The following STXBP5L variants were observed in gnomAD, a reference collection of about 807,000 sequenced individuals.
STXBP5L encodes the protein syntaxin-binding protein 5-like.
STXBP5L carries 65 observed loss-of-function variants against 144.5 expected under a neutral mutation model. The observed-to-expected ratio is 0.45, with a 90% confidence interval of 0.37 to 0.55. The LOEUF (loss-of-function observed/expected upper bound fraction) is 0.55, where lower values mean the gene tolerates loss of function less well. STXBP5L is among the 20% of genes least tolerant of loss of function. The pLI is 0.00. For missense variants in STXBP5L, 1,298 were observed against 1,405.5 expected (o/e 0.92, Z 1.22); for synonymous variants, 505 against 469.6 (o/e 1.08, Z -0.97).
At chr3:121,196,436 G>T (rs566332866) in intron 9 of STXBP5L, among the ~76,000 whole-genome samples, 82 of 152,076 alleles carry the variant, frequency 5.4e-4, no homozygotes, top group Admixed American at 2.6e-3. Context: ...ACCGCACCCG[G>T]CAATATTAAT....
At chr3:120,949,101 C>T (rs769658937) in intron 2 of STXBP5L, among the ~76,000 whole-genome samples, 11 of 151,880 alleles carry the variant, frequency 7.2e-5, no homozygotes, top group Admixed American at 3.3e-4. Context: ...TATGGTCAGT[C>T]TTGCAGGAGT....
chr3:121,332,236 A>G lies in STXBP5L; in HGVS notation c.2176+13696A>G, dbSNP rs367994906. On this transcript the variant is annotated intron_variant, in intron 20 of 26. Coordinates refer to ENST00000471454, the MANE Select transcript of STXBP5L (RefSeq NM_001308330.2). ...AAAAGATCATACTAGGTCTTCCACA[A>G]TGGATCCAAACCAAGATGAAATCTT... 1.4e-4 allele frequency among the ~76,000 whole-genome samples: 21 copies of G among 152,124 alleles called. No individual in the cohort carries two copies. In the East Asian group the frequency reaches 1.5e-3, roughly 11 times the overall value.
At chr3:120,959,581 C>A (rs1213282245) in intron 3 of STXBP5L, among the ~76,000 whole-genome samples, 5 of 152,190 alleles carry the variant, frequency 3.3e-5, no homozygotes, top group African/African-American at 1.2e-4. Flanking sequence ...AGAACAGAGG[C>A]CTCAGAAATA....
At position 120,973,931 on chromosome 3, in the gene STXBP5L, C is replaced by T. The variant is rs1174680071; in HGVS notation, c.287+18894C>T. 8.5e-5 allele frequency among the ~76,000 whole-genome samples: 13 copies of T among 152,122 alleles called. 1 individual carries two copies. The highest frequency in any genetic ancestry group is 8.5e-4 in the Admixed American group (13 of 15,270). On this transcript the variant is annotated intron_variant, in intron 3 of 26. Transcript: ENST00000471454. ...GTATATATGCCACATTTTCTTAATC[C>T]AGTCAATCATTGTTGGACATTTGGG...
intron 22 of STXBP5L, among the ~76,000 whole-genome samples, chr3:121,384,126 G>A (rs1240837646): frequency 6.6e-6 from 1 of 152,066 alleles, no homozygotes; most frequent in Non-Finnish European, 1.5e-5. Flanking sequence ...CATTTACCAA[G>A]CCCATACCAC....
intron 20 of STXBP5L, among the ~76,000 whole-genome samples, chr3:121,351,485 C>A (rs776849546): frequency 2.0e-5 from 3 of 152,146 alleles, no homozygotes; most frequent in Admixed American, 6.5e-5. Flanking sequence ...CTCCAGAAGT[C>A]TTCTTTTGAG....
chr3:121,317,778 A>G (rs2043833107), intron 19 of STXBP5L, among the ~76,000 whole-genome samples: 1 of 152,162 alleles, frequency 6.6e-6, no homozygotes, highest in African/African-American at 2.4e-5. Context: ...GTGGCAGAAT[A>G]AAAATTAAGA....
At chr3:121,395,166 G>A (rs1188984220) in intron 22 of STXBP5L, among the ~76,000 whole-genome samples, 1 of 152,134 alleles carries the variant, frequency 6.6e-6, no homozygotes, top group Non-Finnish European at 1.5e-5. Context: ...GGCAAACATT[G>A]AAAGACTGTC....
chr3:121,343,539 C>T (rs1393413239), intron 20 of STXBP5L, among the ~76,000 whole-genome samples: 1 of 152,128 alleles, frequency 6.6e-6, no homozygotes, highest in East Asian at 1.9e-4. Context: ...TGATAAGCAA[C>T]TTCAGCAAAG....
chr3:121,048,028 G>A (rs1266264152), intron 5 of STXBP5L, among the ~76,000 whole-genome samples: 23 of 152,064 alleles, frequency 1.5e-4, no homozygotes, highest in Admixed American at 1.5e-3. Context: ...AGGACCTCTT[G>A]TAAGGCAGGT....
At chr3:120,963,411 T>C (rs543592889) in intron 3 of STXBP5L, among the ~76,000 whole-genome samples, 1 of 152,246 alleles carries the variant, frequency 6.6e-6, no homozygotes, top group Non-Finnish European at 1.5e-5. Context: ...TGGCAGTATG[T>C]CATAAATAGC....
At chr3:121,168,837 C>T (rs146909084) in intron 9 of STXBP5L, among the ~76,000 whole-genome samples, 2,950 of 152,060 alleles carry the variant, frequency 0.019, 91 homozygotes, top group African/African-American at 0.066. Flanking sequence ...GGAAATACAG[C>T]GAACACCACA....
intron 20 of STXBP5L, among the ~76,000 whole-genome samples, chr3:121,354,593 A>G (rs1456457051): frequency 1.6e-5 from 2 of 128,428 alleles, no homozygotes; most frequent in Non-Finnish European, 3.1e-5. Flanking sequence ...GTGTCTTTGC[A>G]TGTGAGATGG....
At chr3:121,044,757 C>G (rs1303994867) in intron 4 of STXBP5L, among the ~76,000 whole-genome samples, 1 of 152,086 alleles carries the variant, frequency 6.6e-6, no homozygotes, top group Non-Finnish European at 1.5e-5. Context: ...TGCTTTCTGC[C>G]ACATTAAGAG....
At chr3:121,338,500 TG>T (rs1461395201) in intron 20 of STXBP5L, among the ~76,000 whole-genome samples, 2 of 144,486 alleles carry the variant, frequency 1.4e-5, no homozygotes, top group Non-Finnish European at 3.0e-5. Context: ...AAAAATTAGC[TG>T]GGGGTGGTGG....
intron 9 of STXBP5L, among the ~76,000 whole-genome samples, chr3:121,176,412 AAGAAAAC>A (rs1207557604): frequency 6.6e-6 from 1 of 151,712 alleles, no homozygotes; most frequent in African/African-American, 2.4e-5. Flanking sequence ...TAAAGACAAA[AAGAAAAC>A]AGATAATCAA....
intron 10 of STXBP5L, among the ~76,000 whole-genome samples, chr3:121,207,823 T>G (rs1171332747): frequency 8.1e-6 from 1 of 124,170 alleles, no homozygotes; most frequent in Non-Finnish European, 1.6e-5. Context: ...CATTAAAAAG[T>G]CAGGAAAAAG....
At chr3:121,094,277 G>A (rs1341353285) in intron 5 of STXBP5L, among the ~76,000 whole-genome samples, 2 of 152,178 alleles carry the variant, frequency 1.3e-5, no homozygotes. Flanking sequence ...TTCTGTAGAT[G>A]TCTATTAGGT....
rs531461775 is a variant in STXBP5L, at chr3:121,153,280, G to C, written c.753+720G>C. Among the ~76,000 whole-genome samples the C allele has an allele frequency of 3.3e-5, 5 of 152,104 alleles. No individual in the cohort carries two copies. In the East Asian group the frequency reaches 9.7e-4, roughly 29 times the overall value. Reference sequence around the variant, plus strand: ...TTTTCCATTCAGAAGAGGCTAATAAGAAGACCGTAAAACTGGGGGCAACAG... The same window carrying C: ...TTTTCCATTCAGAAGAGGCTAATAACAAGACCGTAAAACTGGGGGCAACAG... On this transcript the variant is annotated intron_variant, in intron 8 of 26. Transcript: ENST00000471454.
Sources: allele counts gnomAD v4.1 joint callset (sites outside exome capture counted in the v4.1 genomes callset), GRCh38; gene constraint gnomAD v4.1.1; transcripts MANE v1.5; gene names NCBI Gene and HGNC (gene_info 2026-07-23, HGNC 2026-07-21).